METTL25B: variants seen among roughly 807,000 people sequenced by gnomAD.
The protein encoded by METTL25B is methyltransferase like 25B.
In METTL25B, 38 loss-of-function variants were observed where a neutral mutation model predicts 48.4. That is an observed-to-expected ratio of 0.78 (90% CI 0.61 to 1.03). The LOEUF (loss-of-function observed/expected upper bound fraction) is 1.03, where lower values mean the gene tolerates loss of function less well. Ranked by LOEUF, METTL25B falls within the 50% of genes least tolerant of loss-of-function variation. METTL25B has a pLI of 0.00. For missense variants in METTL25B, 537 were observed against 603.7 expected, an observed-to-expected ratio of 0.89 and a Z score of 1.16; for synonymous variants, 230 against 254.5, an observed-to-expected ratio of 0.90 and a Z score of 0.92.
At position 156,732,153 on chromosome 1, in the gene METTL25B, G is replaced by T. The variant is rs750617168; in HGVS notation, c.236+38G>T. On this transcript the variant is annotated intron_variant, in intron 2 of 7. Coordinates refer to ENST00000368216, the MANE Select transcript of METTL25B (RefSeq NM_015997.4). Reference sequence around the variant, plus strand: ...AGGTCCCTGTGCTGGGGAACTCAAGGCTTTAAGCCCTGCAGTGAGCATATT... The same window carrying T: ...AGGTCCCTGTGCTGGGGAACTCAAGTCTTTAAGCCCTGCAGTGAGCATATT... 49 of 1,613,820 alleles carry T rather than the reference G, an allele frequency of 3.0e-5. No individual in the cohort carries two copies. The Middle Eastern group carries it at 6.6e-4, about 22-fold the overall frequency.
In METTL25B at chr1:156,732,128, A is replaced by G; in HGVS notation, c.236+13A>G. ...GGGAGGTCGTCAGGTATGGGCTAGA[A>G]GGTCCCTGTGCTGGGGAACTCAAGG... On this transcript the variant is annotated intron_variant, in intron 2 of 7. Coordinates refer to ENST00000368216, the MANE Select transcript of METTL25B (RefSeq NM_015997.4). 3 of 1,614,208 alleles carry G rather than the reference A, an allele frequency of 1.9e-6. No individual in the cohort carries two copies. Among genetic ancestry groups the G allele is most frequent in the Non-Finnish European group, 2.5e-6 (3 of 1,180,034 alleles).
In METTL25B at chr1:156,729,115, T is replaced by C; in HGVS notation, c.11T>C (p.Ile4Thr). The C allele has an allele frequency of 6.2e-7, 1 of 1,604,990 alleles. No individual in the cohort carries two copies. Among genetic ancestry groups the C allele is most frequent in the Non-Finnish European group, 8.5e-7 (1 of 1,175,982 alleles). MPG[I>T]SARGLSHEGR... is the part of the protein sequence containing the mutation. ...CTGCTGGACCCCGGGATGCCGGGCA[T>C]CTCCGCCCGAGGCCTCTCTCATGAG... Residue 4 changes from isoleucine to threonine, a missense_variant, in exon 1 of 8, where the codon ATC (isoleucine) becomes ACC (threonine). By Grantham distance (89) the Ile-to-Thr change is moderately conservative. Coordinates refer to ENST00000368216, the MANE Select transcript of METTL25B (RefSeq NM_015997.4).
chr1:156,732,564 G>A, intron 3 of METTL25B, 91 bp downstream of exon 3: 1 of 1,231,318 alleles, frequency 8.1e-7, no homozygotes, highest in Non-Finnish European at 1.1e-6. Context: ...TACCTCACAT[G>A]CAAGGCCAGA....
At position 156,733,408 on chromosome 1, in the gene METTL25B, TG is replaced by T; in HGVS notation, c.528del (p.Leu177Ter). On this transcript the variant is annotated frameshift_variant, in exon 5 of 8. Coordinates refer to ENST00000368216, the MANE Select transcript of METTL25B (RefSeq NM_015997.4). LOFTEE classifies it high-confidence loss of function. ...GHLSRFMALG[L>X]GLMVKSIEGD... ...CTCTCCCGCTTCATGGCTCTTGGCC[TG>T]GGGTTGATGGTGAAGAGCATCGAAG... The T allele has an allele frequency of 6.2e-7, 1 of 1,614,006 alleles. No individual in the cohort carries two copies. Among genetic ancestry groups the T allele is most frequent in the South Asian group, 1.1e-5 (1 of 91,068 alleles).
At chr1:156,731,805 G>C (rs907617825) in intron 1 of METTL25B, among the ~76,000 whole-genome samples, 186 bp from the exon 2 acceptor site, 4 of 152,212 alleles carry the variant, frequency 2.6e-5, no homozygotes, top group African/African-American at 7.2e-5. Flanking sequence ...ACCAGAGTCG[G>C]GGAGGCTGGA....
rs1234221903 is a variant in METTL25B at position 156,733,008 on chromosome 1, C to T, written c.453C>T (p.Phe151=). The change falls in exon 4 of 8, where the codon TTC becomes TTT. Residue 151 remains phenylalanine (F), a synonymous_variant. Transcript: ENST00000368216. ...LGELVKKLSD[F]TGCTQVVDVG... ...AGTTGGTGAAGAAGCTGAGTGATTT[C>T]ACAGGCTGCACCCAGGTTGTAGACG... 1 of 1,614,154 alleles carries T rather than the reference C, an allele frequency of 6.2e-7. No homozygotes were observed. Among genetic ancestry groups the T allele is most frequent in the South Asian group, 1.1e-5 (1 of 91,086 alleles).
intron 7 of METTL25B, 178 bp downstream of exon 7, chr1:156,736,087 G>T (rs1649768212): frequency 3.8e-6 from 2 of 523,174 alleles, no homozygotes; most frequent in Admixed American, 3.7e-5. Context: ...AAGAATCCAG[G>T]CTGGGTGCGG....
intron 2 of METTL25B, 67 bp downstream of exon 2, chr1:156,732,182 C>T (rs545574397): frequency 6.8e-6 from 11 of 1,610,704 alleles, no homozygotes; most frequent in African/African-American, 5.3e-5. Flanking sequence ...GCATATTGCT[C>T]AGAGAGTCTC....
In METTL25B at chr1:156,734,113, G is replaced by T; in HGVS notation, c.741G>T (p.Gln247His). ...TGCTTCCACTGGAGAACCCGTGTCA[G>T]GGCAGGGCCCGCTTGCTGCTCACAG... is the stretch of plus-strand genomic sequence containing the variant. ...ELLLPLENPC[Q>H]GRARLLLTGL... The change falls in exon 6 of 8, where the codon CAG becomes CAT. Residue 247 changes from glutamine (Q) to histidine (H), a missense_variant. Coordinates refer to ENST00000368216, the MANE Select transcript of METTL25B (RefSeq NM_015997.4). 6.2e-7 allele frequency: 1 copy of T among 1,614,216 alleles called. No individual in the cohort carries two copies.
At chr1:156,730,236 C>T (rs1384109552) in intron 1 of METTL25B, among the ~76,000 whole-genome samples, 1 of 152,222 alleles carries the variant, frequency 6.6e-6, no homozygotes, top group Non-Finnish European at 1.5e-5. Flanking sequence ...AACCCATATT[C>T]TGGCTCCTAC....
chr1:156,729,240 G>C, intron 1 of METTL25B, 25 bp downstream of exon 1: 1 of 1,450,280 alleles, frequency 6.9e-7, no homozygotes, highest in Non-Finnish European at 9.7e-7. Context: ...GCGTGGGTGG[G>C]ATGTCTCTGG....
Position 156,736,958 on chromosome 1 carries a change from C to A in METTL25B, c.*205C>A. 1 of 561,724 alleles carries A rather than the reference C, an allele frequency of 1.8e-6. No homozygotes were observed. Among genetic ancestry groups the A allele is most frequent in the South Asian group, 2.6e-5 (1 of 38,026 alleles). The allele number at this position is 561,724 out of a possible 1,614,324, so 34.8% of individuals were successfully genotyped here. On this transcript the variant is annotated 3_prime_UTR_variant, in exon 8 of 8. Coordinates refer to ENST00000368216, the MANE Select transcript of METTL25B (RefSeq NM_015997.4). ...TAAAAATTGGATATCTGTTTCCTTC[C>A]CATTTCTGTAGGTAGATAAAAGGAG...
intron 6 of METTL25B, among the ~76,000 whole-genome samples, chr1:156,735,243 C>A (rs1024978942): frequency 6.6e-6 from 1 of 151,056 alleles, no homozygotes. Context: ...GAACTGAGAT[C>A]GCGCCACTGT....
chr1:156,734,643 T>C, intron 6 of METTL25B, 150 bp downstream of exon 6: 3 of 912,310 alleles, frequency 3.3e-6, no homozygotes, highest in South Asian at 3.7e-5. Flanking sequence ...GCCATTCTCA[T>C]GCCTCAGCCT....
chr1:156,730,992 C>CAG (rs1649240464), intron 1 of METTL25B, among the ~76,000 whole-genome samples: 1 of 152,248 alleles, frequency 6.6e-6, no homozygotes, highest in African/African-American at 2.4e-5. Context: ...ATTCAAGTCT[C>CAG]AGCTCAAATG....
chr1:156,732,950 A>G, intron 3 of METTL25B, 35 bp from the exon 4 acceptor site: 1 of 1,595,508 alleles, frequency 6.3e-7, no homozygotes, highest in Non-Finnish European at 8.6e-7. Context: ...GTCAATAACC[A>G]GTGGCTAGGA....
intron 6 of METTL25B, 76 bp from the exon 7 acceptor site, chr1:156,735,649 A>T: frequency 7.7e-7 from 1 of 1,293,112 alleles, no homozygotes; most frequent in Non-Finnish European, 1.0e-6. Context: ...GAACTGAATT[A>T]GGAACAAGCA....
chr1:156,731,832 T>C (rs1166278391), intron 1 of METTL25B, among the ~76,000 whole-genome samples, 159 bp from the exon 2 acceptor site: 1 of 152,216 alleles, frequency 6.6e-6, no homozygotes, highest in Non-Finnish European at 1.5e-5. Flanking sequence ...TTCAGAGAAC[T>C]GACTCGGCTT....
chr1:156,734,688 C>T (rs1331342328), intron 6 of METTL25B, among the ~76,000 whole-genome samples, 195 bp downstream of exon 6: 5 of 151,760 alleles, frequency 3.3e-5, no homozygotes, highest in African/African-American at 1.2e-4. Context: ...CCCGCCACTA[C>T]ACCCGGCTAA....
Sources: allele counts gnomAD v4.1 joint callset (sites outside exome capture counted in the v4.1 genomes callset), GRCh38; gene constraint gnomAD v4.1.1; transcripts MANE v1.5; gene names NCBI Gene and HGNC (gene_info 2026-07-23, HGNC 2026-07-21).